The following FNDC3B variants were observed in gnomAD, a reference collection of about 807,000 sequenced individuals.
FNDC3B encodes fibronectin type III domain containing 3B, also known as fibronectin type III domain-containing protein 3B.
Under a neutral mutation model 151.5 loss-of-function variants are expected in FNDC3B, and 12 were observed. The observed-to-expected ratio is 0.08, with a 90% CI of 0.05 to 0.13. FNDC3B has a LOEUF of 0.13. Among genes scored for constraint, FNDC3B ranks in the 10% least tolerant of loss-of-function variants. The pLI, the probability that FNDC3B is intolerant of heterozygous loss-of-function variation, is 1.00. For synonymous variants in FNDC3B, 528 were observed against 549.0 expected (o/e 0.96, Z 0.54); for missense variants, 1,214 against 1,505.3 (o/e 0.81, Z 3.20).
At position 172,303,726 on chromosome 3, in the gene FNDC3B, G is replaced by GA. The variant is rs11292213; in HGVS notation, c.1062-3625dup. On this transcript the variant is annotated intron_variant, in intron 9 of 25. Coordinates refer to ENST00000415807, the MANE Select transcript of FNDC3B (RefSeq NM_022763.4). ...ATGGAAAACTCATTGCCATTATGTG[G>GA]AAAAAAAAAAAATTGCAGTATTCTT... 6.8e-3 allele frequency among the ~76,000 whole-genome samples: 1,021 copies of GA among 149,470 alleles called. 8 individuals are homozygous for GA. The highest frequency in any genetic ancestry group is 8.3e-3 in the Non-Finnish European group (554 of 66,994).
chr3:172,265,645 A>G (rs1450724186), intron 6 of FNDC3B, among the ~76,000 whole-genome samples: 2 of 152,182 alleles, frequency 1.3e-5, no homozygotes, highest in African/African-American at 4.8e-5. Context: ...TTTAGGTAGT[A>G]GTTTTGTTCC....
chr3:172,127,284 C>A (rs1180760575), intron 2 of FNDC3B, among the ~76,000 whole-genome samples: 5 of 152,194 alleles, frequency 3.3e-5, no homozygotes, highest in Non-Finnish European at 7.3e-5. Context: ...CAGTTAACTG[C>A]ATTCTCTTAT....
chr3:172,310,941 A>T, intron 11 of FNDC3B, 60 bp downstream of exon 11: 1 of 1,138,524 alleles, frequency 8.8e-7, no homozygotes, highest in Admixed American at 1.7e-5. Context: ...AATTAACTGA[A>T]CAAATGCCAT....
intron 3 of FNDC3B, among the ~76,000 whole-genome samples, chr3:172,163,831 C>G (rs1722889663): frequency 6.6e-6 from 1 of 152,180 alleles, no homozygotes. Context: ...AGTAGAATTA[C>G]TGCTTTCCTA....
At chr3:172,220,700 G>A (rs12106748) in intron 3 of FNDC3B, among the ~76,000 whole-genome samples, 3,316 of 152,060 alleles carry the variant, frequency 0.022, 125 homozygotes, top group African/African-American at 0.075. Context: ...ATATGAGATA[G>A]GGGTCCAAGT....
chr3:172,182,786 T>G (rs1296144304), intron 3 of FNDC3B, among the ~76,000 whole-genome samples: 1 of 152,220 alleles, frequency 6.6e-6, no homozygotes, highest in African/African-American at 2.4e-5. Context: ...ATTTGTTTAA[T>G]TTGGTACCAG....
intron 3 of FNDC3B, among the ~76,000 whole-genome samples, chr3:172,201,426 A>T (rs974134584): frequency 6.6e-6 from 1 of 152,198 alleles, no homozygotes; most frequent in African/African-American, 2.4e-5. Flanking sequence ...ATGCGTGCGT[A>T]CGTGCGGTGG....
At chr3:172,329,517 G>A (rs1215404714) in intron 12 of FNDC3B, 1 of 155,308 alleles carries the variant, frequency 6.4e-6, no homozygotes, top group Non-Finnish European at 1.4e-5. Flanking sequence ...CGGAATTGGA[G>A]AAAACCTGGA....
chr3:172,379,212 G>A (rs997204223), intron 24 of FNDC3B, among the ~76,000 whole-genome samples: 3 of 152,226 alleles, frequency 2.0e-5, no homozygotes, highest in African/African-American at 7.2e-5. Flanking sequence ...CTGAGGCCCT[G>A]CCTCATCTCC....
In FNDC3B at chr3:172,341,095, A is replaced by G. The variant is rs757243796; in HGVS notation, c.1853-18A>G. The G allele has an allele frequency of 3.9e-5, 61 of 1,545,174 alleles. No individual in the cohort carries two copies. Among genetic ancestry groups the G allele is most frequent in the South Asian group, 2.1e-4 (19 of 89,704 alleles). On this transcript the variant is annotated intron_variant, in intron 16 of 25. Coordinates refer to ENST00000415807, the MANE Select transcript of FNDC3B (RefSeq NM_022763.4). ...TTTTACAAGAGGCATAAAGTCATGC[A>G]TAAGTCTTGTTTTACAGCGAATCAG...
chr3:172,172,792 T>C (rs9820135), intron 3 of FNDC3B, among the ~76,000 whole-genome samples: 5,046 of 151,530 alleles, frequency 0.033, 288 homozygotes, highest in African/African-American at 0.12. Flanking sequence ...TATTAAGTCA[T>C]GGTTTTGCAA....
At chr3:172,102,678 G>T (rs930515398) in intron 1 of FNDC3B, among the ~76,000 whole-genome samples, 5 of 152,160 alleles carry the variant, frequency 3.3e-5, no homozygotes, top group South Asian at 2.1e-4. Flanking sequence ...CCAGGCAGGT[G>T]TAGTGCCCAA....
chr3:172,082,112 A>T lies in FNDC3B; in HGVS notation c.-28-30340A>T, dbSNP rs76668803. Among the ~76,000 whole-genome samples the T allele has an allele frequency of 4.6e-3, 705 of 152,342 alleles. 3 individuals carry two copies. The highest frequency in any genetic ancestry group is 7.8e-3 in the Non-Finnish European group (528 of 68,026). On this transcript the variant is annotated intron_variant, in intron 1 of 25. Transcript: ENST00000415807. ...TATTACATTTATAAAAGTTCAGTAA[A>T]AAGAAACTCATCATTAAGGTGGCAG...
chr3:172,395,354 G>A (rs1736221807), intron 25 of FNDC3B, among the ~76,000 whole-genome samples: 1 of 152,132 alleles, frequency 6.6e-6, no homozygotes, highest in African/African-American at 2.4e-5. Context: ...GAAGAACCTT[G>A]TGAGACCTTC....
chr3:172,111,828 C>G (rs1398578334), intron 1 of FNDC3B, among the ~76,000 whole-genome samples: 1 of 152,072 alleles, frequency 6.6e-6, no homozygotes, highest in East Asian at 1.9e-4. Context: ...TTTGGGGACT[C>G]TATTATGAGT....
Position 172,310,816 on chromosome 3 carries a change from T to C in FNDC3B, c.1201-12T>C, listed in dbSNP as rs750105658. The C allele has an allele frequency of 1.6e-5, 25 of 1,601,214 alleles. No individual in the cohort carries two copies. Among genetic ancestry groups the C allele is most frequent in the Non-Finnish European group, 1.9e-5 (22 of 1,168,128 alleles). Reference sequence around the variant, plus strand: ...ACAACTTTCTCTAATCTCATGTTACTATTTTTTTTAGGCACCAATTGACAA... The same window carrying C: ...ACAACTTTCTCTAATCTCATGTTACCATTTTTTTTAGGCACCAATTGACAA... On this transcript the variant is annotated splice_polypyrimidine_tract_variant and intron_variant, in intron 10 of 25. Transcript: ENST00000415807.
At chr3:172,131,171 C>CG (rs1721076480) in intron 2 of FNDC3B, among the ~76,000 whole-genome samples, 1 of 152,058 alleles carries the variant, frequency 6.6e-6, no homozygotes, top group African/African-American at 2.4e-5. Context: ...CCGAGACGGA[C>CG]GGATCACCTG....
chr3:172,284,834 T>C (rs141505394), intron 6 of FNDC3B, among the ~76,000 whole-genome samples: 1 of 151,228 alleles, frequency 6.6e-6, no homozygotes, highest in African/African-American at 2.4e-5. Flanking sequence ...TGAAATATCT[T>C]GGGGGCAGGG....
chr3:172,148,040 C>T (rs2108596714), intron 3 of FNDC3B, among the ~76,000 whole-genome samples: 1 of 152,056 alleles, frequency 6.6e-6, no homozygotes, highest in African/African-American at 2.4e-5. Context: ...CTCTAATTTT[C>T]AAAGGATTTG....
Sources: gnomAD v4.1 joint callset for allele counts (sites outside exome capture counted in the v4.1 genomes callset) on GRCh38, gnomAD v4.1.1 for gene constraint, MANE v1.5 for transcripts, NCBI Gene and HGNC (gene_info 2026-07-23, HGNC 2026-07-21) for gene names.